The following KIF1B variants were observed in gnomAD, a reference collection of about 807,000 sequenced individuals.
KIF1B encodes the protein kinesin family member 1B, also known as kinesin-like protein KIF1B.
KIF1B carries 76 observed loss-of-function variants against 241.9 expected under a neutral mutation model. The ratio of observed to expected loss-of-function variants is 0.31; its 90% confidence interval spans 0.26 to 0.38. KIF1B has a LOEUF of 0.38. KIF1B is among the 10% of genes least tolerant of loss of function. The probability of loss-of-function intolerance (pLI) is 1.00; values close to 1 mark genes in which losing one functional copy is unlikely to be tolerated. For missense variants in KIF1B, 1,622 were observed against 2,271.4 expected (o/e 0.71, Z 5.81); for synonymous variants, 750 against 796.7 (o/e 0.94, Z 0.99).
chr1:10,276,472 T>C (rs1257810415), intron 12 of KIF1B, 73 bp downstream of exon 12: 2 of 970,352 alleles, frequency 2.1e-6, no homozygotes, highest in Non-Finnish European at 3.3e-6. Flanking sequence ...ACCATGGATG[T>C]TTTTATGCTA....
rs1450322735 is a variant in KIF1B, at chr1:10,297,446, TG to T, written c.2115+203del. Among the ~76,000 whole-genome samples, 3 of 152,350 alleles carry T rather than the reference TG, an allele frequency of 2.0e-5. No individual in the cohort carries two copies. The South Asian group carries it at 6.2e-4, about 32-fold the overall frequency. ...AAAATAGTCCACAGAGGTACTCTTT[TG>T]GGCTTTTTATGTCTTAAAGCCAAAT... is the stretch of plus-strand genomic sequence containing the variant. On this transcript the variant is annotated intron_variant, in intron 22 of 48. Transcript: ENST00000676179.
intron 34 of KIF1B, 171 bp from the exon 35 acceptor site, chr1:10,345,674 T>TA (rs1206066033): frequency 6.4e-6 from 4 of 629,920 alleles, no homozygotes; most frequent in Non-Finnish European, 1.1e-5. Context: ...AGATAACTAA[T>TA]AACTTACAAA....
At chr1:10,267,121 G>A (rs903994374) in intron 5 of KIF1B, among the ~76,000 whole-genome samples, 5 of 151,906 alleles carry the variant, frequency 3.3e-5, no homozygotes, top group Non-Finnish European at 7.4e-5. Flanking sequence ...AGGTACAGGC[G>A]ATTTCTCCTG....
Position 10,210,886 on chromosome 1 carries a change from G to C in KIF1B, c.-80+8G>C, listed in dbSNP as rs1181110917. On this transcript the variant is annotated splice_region_variant and intron_variant, in intron 1 of 48. Coordinates refer to ENST00000676179, the MANE Select transcript of KIF1B (RefSeq NM_001365951.3). The surrounding 1 kb of genome is among the most constrained non-coding windows in gnomAD (Gnocchi z 4.1). Reference sequence around the variant, plus strand: ...GTCTGCAGCGCGGCTGAGGTAAGGCGGCGGGGCTGGCCGCGGTTGGCGCCG... The same window carrying C: ...GTCTGCAGCGCGGCTGAGGTAAGGCCGCGGGGCTGGCCGCGGTTGGCGCCG... The C allele has an allele frequency of 6.6e-6, 1 of 150,962 alleles. No homozygotes were observed. Among genetic ancestry groups the C allele is most frequent in the Non-Finnish European group, 1.5e-5 (1 of 67,526 alleles). 9.4% of individuals were successfully genotyped at this position (150,962 alleles called of 1,614,324 possible).
At chr1:10,292,698 T>C (rs1460874561) in intron 17 of KIF1B, among the ~76,000 whole-genome samples, 2 of 152,250 alleles carry the variant, frequency 1.3e-5, no homozygotes, top group African/African-American at 4.8e-5. Flanking sequence ...TAATCATAGT[T>C]ATGAAGTAGT....
chr1:10,288,619 C>T (rs542652081), intron 15 of KIF1B, among the ~76,000 whole-genome samples: 11 of 152,210 alleles, frequency 7.2e-5, no homozygotes, highest in Non-Finnish European at 1.2e-4. Context: ...GTACCTCCTA[C>T]ATGGCTGCCT....
intron 15 of KIF1B, among the ~76,000 whole-genome samples, chr1:10,289,489 C>G (rs1294318962): frequency 6.6e-6 from 1 of 152,160 alleles, no homozygotes; most frequent in Non-Finnish European, 1.5e-5. Flanking sequence ...TTAGATTGCT[C>G]CCTCACCTAC....
At chr1:10,296,517 T>C in intron 19 of KIF1B, 65 bp from the exon 20 acceptor site, 1 of 1,347,916 alleles carries the variant, frequency 7.4e-7, no homozygotes, top group Non-Finnish European at 1.1e-6. Flanking sequence ...GATAAGCAAC[T>C]GCTTTCCATT....
In KIF1B at chr1:10,326,930, C is replaced by T. The variant is rs116248206; in HGVS notation, c.2924+571C>T. ...AGTTAAGCTTCTCCTTTACCTAAAACGGATGCCTGTCTTTGGCCAGTTTCA... is the reference window on the plus strand; with the variant it reads ...AGTTAAGCTTCTCCTTTACCTAAAATGGATGCCTGTCTTTGGCCAGTTTCA... On this transcript the variant is annotated intron_variant, in intron 27 of 48. Transcript: ENST00000676179. The surrounding 1 kb of genome is among the most constrained non-coding windows in gnomAD (Gnocchi z 5.2). Among the ~76,000 whole-genome samples the T allele has an allele frequency of 7.3e-3, 1,112 of 152,316 alleles. 12 individuals are homozygous for T. The highest frequency in any genetic ancestry group is 0.025 in the African/African-American group (1,024 of 41,568).
chr1:10,223,114 T>C (rs1185244774), intron 1 of KIF1B, among the ~76,000 whole-genome samples: 2 of 148,494 alleles, frequency 1.3e-5, no homozygotes, highest in Admixed American at 6.7e-5. Flanking sequence ...TAGCCAGGTG[T>C]GGTGGCACGC....
chr1:10,318,655 G>T (rs1356820320), intron 22 of KIF1B, among the ~76,000 whole-genome samples: 1 of 152,146 alleles, frequency 6.6e-6, no homozygotes, highest in African/African-American at 2.4e-5. Flanking sequence ...GGAGGTGGAT[G>T]TTGCAGTGAG....
At chr1:10,341,366 C>A (rs866563844) in intron 32 of KIF1B, among the ~76,000 whole-genome samples, 22 of 152,214 alleles carry the variant, frequency 1.4e-4, no homozygotes, top group African/African-American at 5.1e-4. Context: ...GTGCCTGGCA[C>A]ATAGGCCATA....
rs568702892 is a variant in KIF1B at position 10,217,600 on chromosome 1, A to G, written c.-80+6722A>G. On this transcript the variant is annotated intron_variant, in intron 1 of 48. Transcript: ENST00000676179. ...CCAGAGTGCTGAGGTTACAGGCGTGAGCCACCGCACCCAGCTGCTCTTACT... is the reference window on the plus strand; with the variant it reads ...CCAGAGTGCTGAGGTTACAGGCGTGGGCCACCGCACCCAGCTGCTCTTACT... 3.3e-5 allele frequency among the ~76,000 whole-genome samples: 5 copies of G among 152,090 alleles called. No homozygotes were observed. The South Asian group carries it at 1.0e-3, about 32-fold the overall frequency.
chr1:10,269,954 C>T (rs1485351420), intron 7 of KIF1B, among the ~76,000 whole-genome samples: 1 of 151,792 alleles, frequency 6.6e-6, no homozygotes, highest in Admixed American at 6.6e-5. Context: ...TGTTTTTTGC[C>T]CTTCTCCCAT....
chr1:10,234,785 G>T (rs1647028847), intron 2 of KIF1B, among the ~76,000 whole-genome samples: 1 of 152,024 alleles, frequency 6.6e-6, no homozygotes, highest in Non-Finnish European at 1.5e-5. Context: ...GCCTCCCAAA[G>T]TGTTGGGATT....
chr1:10,312,749 TC>T (rs1651123242), intron 22 of KIF1B, among the ~76,000 whole-genome samples: 1 of 151,494 alleles, frequency 6.6e-6, no homozygotes. Context: ...CTCCCATTCT[TC>T]TCCCTGGTAG....
intron 8 of KIF1B, 28 bp from the exon 9 acceptor site, chr1:10,272,213 A>G (rs1557679824): frequency 9.3e-6 from 12 of 1,291,362 alleles, no homozygotes; most frequent in Non-Finnish European, 1.2e-5. Context: ...ATTCTTCATC[A>G]TTCTTTCATA....
rs182588291 is a variant in KIF1B at position 10,371,518 on chromosome 1, A to T, written c.4946+256A>T. The stretch of plus-strand genomic sequence containing the variant: ...TTCTTCATCCCTTTCTGCTAGTTTT[A>T]TCCTCCATTCCTACCCCTGCTTGTC... On this transcript the variant is annotated intron_variant, in intron 45 of 48. Coordinates refer to ENST00000676179, the MANE Select transcript of KIF1B (RefSeq NM_001365951.3). 2.0e-5 allele frequency among the ~76,000 whole-genome samples: 3 copies of T among 152,206 alleles called. No homozygotes were observed. In the East Asian group the frequency reaches 5.8e-4, roughly 29 times the overall value.
intron 20 of KIF1B, 67 bp downstream of exon 20, chr1:10,296,732 T>G: frequency 6.6e-7 from 1 of 1,507,242 alleles, no homozygotes; most frequent in South Asian, 1.1e-5. Flanking sequence ...CTCTAATTTT[T>G]GGCTGTTTAA....
Sources: allele counts gnomAD v4.1 joint callset (sites outside exome capture counted in the v4.1 genomes callset), GRCh38; gene constraint gnomAD v4.1.1; non-coding constraint Gnocchi (gnomAD v3.1); transcripts MANE v1.5; gene names NCBI Gene and HGNC (gene_info 2026-07-23, HGNC 2026-07-21).